KHDRBS2: variants seen among roughly 807,000 people sequenced by gnomAD.
KHDRBS2 encodes the protein KH domain-containing, RNA-binding, signal transduction-associated protein 2.
KHDRBS2 carries 26 observed loss-of-function variants against 44.3 expected under a neutral mutation model. The ratio of observed to expected loss-of-function variants is 0.59; its 90% CI spans 0.43 to 0.81. KHDRBS2 has a LOEUF of 0.81. Ranked by LOEUF, KHDRBS2 falls within the 40% of genes least tolerant of loss-of-function variation. KHDRBS2 has a pLI of 0.00. For synonymous variants in KHDRBS2, 194 were observed against 151.1 expected, an observed-to-expected ratio of 1.28 and a Z score of -2.08; for missense variants, 476 against 433.1, an observed-to-expected ratio of 1.10 and a Z score of -0.88.
At chr6:62,100,882 T>C (rs978919554) in intron 2 of KHDRBS2, among the ~76,000 whole-genome samples, 4 of 152,164 alleles carry the variant, frequency 2.6e-5, no homozygotes, top group Admixed American at 2.6e-4. Flanking sequence ...TGCCTATACT[T>C]GCAGACTAAA....
chr6:61,590,115 G>GT, the KHDRBS2 span, among the ~76,000 whole-genome samples: 1 of 152,090 alleles, frequency 6.6e-6, no homozygotes, highest in Admixed American at 6.6e-5. Context: ...TTTAATATGT[G>GT]TTTTTGCCCA....
At chr6:61,607,570 T>C in the KHDRBS2 span, among the ~76,000 whole-genome samples, 18 of 126,218 alleles carry the variant, frequency 1.4e-4, no homozygotes. Context: ...TCTGTACAAC[T>C]CTTTGCCAAA....
intron 7 of KHDRBS2, among the ~76,000 whole-genome samples, chr6:61,721,369 C>T (rs1322432744): frequency 6.6e-6 from 1 of 151,908 alleles, no homozygotes; most frequent in East Asian, 1.9e-4. Context: ...TTACCTCGGG[C>T]AGTATGGCCA....
chr6:62,079,277 T>A (rs1287148333), intron 2 of KHDRBS2, among the ~76,000 whole-genome samples: 1 of 151,990 alleles, frequency 6.6e-6, no homozygotes, highest in Non-Finnish European at 1.5e-5. Context: ...TATTTACAGA[T>A]TTACATGTTA....
intron 3 of KHDRBS2, among the ~76,000 whole-genome samples, chr6:62,005,702 G>A (rs1056236686): frequency 6.6e-6 from 1 of 150,886 alleles, no homozygotes; most frequent in Non-Finnish European, 1.5e-5. Flanking sequence ...TGTGAATAAA[G>A]AATATAAAAT....
At chr6:61,738,729 A>AT (rs919759011) in intron 6 of KHDRBS2, among the ~76,000 whole-genome samples, 12 of 152,016 alleles carry the variant, frequency 7.9e-5, no homozygotes, top group Admixed American at 2.6e-4. Flanking sequence ...TGGAAAATGC[A>AT]TTTTTTGTCT....
chr6:62,070,036 CA>C (rs921944778), intron 2 of KHDRBS2, among the ~76,000 whole-genome samples: 1 of 151,396 alleles, frequency 6.6e-6, no homozygotes, highest in African/African-American at 2.4e-5. Flanking sequence ...TAATTTTTGT[CA>C]GACACTTTTT....
chr6:61,577,361 G>C, the KHDRBS2 span, among the ~76,000 whole-genome samples: 10 of 151,972 alleles, frequency 6.6e-5, no homozygotes, highest in Admixed American at 6.6e-4. Flanking sequence ...GCCTGAACTG[G>C]AGGAGGAAAC....
chr6:61,633,429 C>T, the KHDRBS2 span, among the ~76,000 whole-genome samples: 664 of 152,088 alleles, frequency 4.4e-3, 5 homozygotes, highest in African/African-American at 0.014. Context: ...GTTCACACTG[C>T]CACTTTTATA....
chr6:61,560,401 C>G, the KHDRBS2 span, among the ~76,000 whole-genome samples: 1 of 152,034 alleles, frequency 6.6e-6, no homozygotes, highest in Admixed American at 6.6e-5. Context: ...ACTTCCTACC[C>G]CTATCTCCCT....
chr6:61,601,510 T>A, the KHDRBS2 span, among the ~76,000 whole-genome samples: 2 of 152,158 alleles, frequency 1.3e-5, no homozygotes, highest in South Asian at 4.2e-4. Context: ...TTTTCCATAC[T>A]ACAAGATCTT....
intron 7 of KHDRBS2, among the ~76,000 whole-genome samples, chr6:61,729,327 G>A (rs1247997043): frequency 6.6e-6 from 1 of 152,062 alleles, no homozygotes; most frequent in African/African-American, 2.4e-5. Context: ...GGGCCTTTTG[G>A]CCTTCAGGAG....
chr6:62,088,942 C>T (rs1158679230), intron 2 of KHDRBS2, among the ~76,000 whole-genome samples: 2 of 152,164 alleles, frequency 1.3e-5, no homozygotes, highest in Admixed American at 6.5e-5. Flanking sequence ...TCTAGAGAGG[C>T]AGTCTGGCTA....
intron 3 of KHDRBS2, among the ~76,000 whole-genome samples, chr6:62,007,886 A>T (rs542254904): frequency 1.3e-5 from 2 of 152,206 alleles, no homozygotes; most frequent in African/African-American, 4.8e-5. Context: ...TATGTTGTGC[A>T]TCTCTACTGT....
At chr6:62,167,284 C>A (rs1363314155) in intron 2 of KHDRBS2, among the ~76,000 whole-genome samples, 2 of 151,570 alleles carry the variant, frequency 1.3e-5, no homozygotes. Flanking sequence ...CGTAAGGGGT[C>A]ATAAAAAATG....
chr6:62,268,534 T>C (rs527758708), intron 1 of KHDRBS2, among the ~76,000 whole-genome samples: 1 of 152,162 alleles, frequency 6.6e-6, no homozygotes, highest in Admixed American at 6.6e-5. Context: ...GTTGTTAGTC[T>C]ACAAGTACAT....
intron 7 of KHDRBS2, among the ~76,000 whole-genome samples, chr6:61,700,890 C>G (rs140431451): frequency 6.6e-6 from 1 of 151,450 alleles, no homozygotes; most frequent in Non-Finnish European, 1.5e-5. Flanking sequence ...CTGCTTGCCT[C>G]GGGGATTGTT....
intron 1 of KHDRBS2, among the ~76,000 whole-genome samples, chr6:62,213,128 G>T (rs1330349141): frequency 1.3e-5 from 2 of 152,070 alleles, no homozygotes; most frequent in African/African-American, 4.8e-5. Context: ...TAAACAGAAG[G>T]GGAAATTTTA....
intron 2 of KHDRBS2, among the ~76,000 whole-genome samples, chr6:62,139,237 A>C (rs1201580447): frequency 6.6e-6 from 1 of 152,116 alleles, no homozygotes; most frequent in African/African-American, 2.4e-5. Context: ...AGAACTATTA[A>C]TTTGAGTTAA....
Sources: gnomAD v4.1 joint callset for allele counts (sites outside exome capture counted in the v4.1 genomes callset) on GRCh38, gnomAD v4.1.1 for gene constraint, MANE v1.5 for transcripts, NCBI Gene and HGNC (gene_info 2026-07-23, HGNC 2026-07-21) for gene names.